Variants in TENM4 observed in about 807,000 individuals in gnomAD.
TENM4 encodes the protein teneurin transmembrane protein 4, also known as teneurin-4.
TENM4 carries 82 observed loss-of-function variants against 243.3 expected under a neutral mutation model. The ratio of observed to expected loss-of-function variants is 0.34; its 90% CI spans 0.28 to 0.40. TENM4 has a LOEUF of 0.40. Among genes scored for constraint, TENM4 ranks in the 10% least tolerant of loss-of-function variants. The pLI, the probability that TENM4 is intolerant of heterozygous loss-of-function variation, is 1.00. For synonymous variants in TENM4, 1,412 were observed against 1,456.3 expected (o/e 0.97, Z 0.69); for missense variants, 3,138 against 3,673.3 (o/e 0.85, Z 3.77).
chr11:78,792,310 G>A (rs575380083), intron 15 of TENM4, among the ~76,000 whole-genome samples: 1 of 152,242 alleles, frequency 6.6e-6, no homozygotes, highest in South Asian at 2.1e-4. Context: ...ACCTAGCATG[G>A]CATCATCAGC....
rs953225345 is a variant in TENM4 at position 79,349,398 on chromosome 11, T to C, written c.-320-51855A>G. ...ACTATGCTAAAGTGTGCAGCAGATT[T>C]ATAATAATAGCTGAACACCTTTCAT... On this transcript the variant is annotated intron_variant, in intron 1 of 33. Coordinates refer to ENST00000278550, the MANE Select transcript of TENM4 (RefSeq NM_001098816.3). 2.6e-5 allele frequency among the ~76,000 whole-genome samples: 4 copies of C among 152,342 alleles called. No individual in the cohort carries two copies. The South Asian group carries it at 8.3e-4, about 32-fold the overall frequency.
At chr11:79,169,976 T>C (rs1466067786) in intron 3 of TENM4, among the ~76,000 whole-genome samples, 1 of 152,216 alleles carries the variant, frequency 6.6e-6, no homozygotes, top group Non-Finnish European at 1.5e-5. Flanking sequence ...ACAAATAGGA[T>C]GGGGCTTTTC....
chr11:78,707,214 T>C (rs960481284), intron 27 of TENM4, among the ~76,000 whole-genome samples: 1 of 152,240 alleles, frequency 6.6e-6, no homozygotes, highest in East Asian at 1.9e-4. Context: ...AATTTGCAAT[T>C]TGATGTAACT....
intron 2 of TENM4, among the ~76,000 whole-genome samples, chr11:79,250,018 C>T (rs933279473): frequency 6.6e-6 from 1 of 152,164 alleles, no homozygotes; most frequent in Non-Finnish European, 1.5e-5. Context: ...TGGAGTCTTG[C>T]TCTGTTGCCC....
At chr11:79,048,989 T>C (rs1859730560) in intron 6 of TENM4, among the ~76,000 whole-genome samples, 1 of 152,208 alleles carries the variant, frequency 6.6e-6, no homozygotes, top group Non-Finnish European at 1.5e-5. Context: ...GCGGATTCTC[T>C]GGCTGATGGT....
chr11:79,301,915 T>C (rs1856556276), intron 1 of TENM4, among the ~76,000 whole-genome samples: 1 of 152,228 alleles, frequency 6.6e-6, no homozygotes, highest in Non-Finnish European at 1.5e-5. Context: ...TCATGCTTCC[T>C]GTACTGCCTG....
intron 2 of TENM4, among the ~76,000 whole-genome samples, chr11:79,245,575 G>A (rs1855496289): frequency 1.3e-5 from 2 of 151,988 alleles, no homozygotes; most frequent in Admixed American, 6.6e-5. Flanking sequence ...ATTTTGAAAA[G>A]GTTAAATGAG....
intron 9 of TENM4, among the ~76,000 whole-genome samples, chr11:78,875,112 G>A (rs1243775335): frequency 6.6e-6 from 1 of 152,212 alleles, no homozygotes; most frequent in Non-Finnish European, 1.5e-5. Context: ...AAGCACTTTG[G>A]GTGCAAACCG....
chr11:79,293,412 C>T (rs1379437411), intron 2 of TENM4, among the ~76,000 whole-genome samples: 1 of 150,532 alleles, frequency 6.6e-6, no homozygotes, highest in African/African-American at 2.4e-5. Flanking sequence ...GAGGCTGAGG[C>T]AGGAAGATCA....
chr11:78,801,243 C>G (rs910235298), intron 15 of TENM4, among the ~76,000 whole-genome samples: 2 of 152,148 alleles, frequency 1.3e-5, no homozygotes, highest in Admixed American at 6.5e-5. Flanking sequence ...TCTTTTCTAT[C>G]TGTTTAACAG....
chr11:79,193,837 G>A (rs1863566636), intron 3 of TENM4, among the ~76,000 whole-genome samples: 1 of 152,178 alleles, frequency 6.6e-6, no homozygotes, highest in Admixed American at 6.5e-5. Context: ...CAACTGTGTT[G>A]GGTTTCAGGA....
chr11:79,067,926 G>A (rs1177490866), intron 5 of TENM4: 6 of 152,296 alleles, frequency 3.9e-5, no homozygotes, highest in African/African-American at 1.4e-4. Flanking sequence ...TACCTTCAAA[G>A]GATTTTTGAG....
In TENM4 at chr11:78,854,107, T is replaced by C. The variant is rs768906608; in HGVS notation, c.1678A>G (p.Ile560Val). ...SEVVSFLTTA[I>V]ESVDNCPSNC... ...CCAGAGGGTGTGGCTCCCTTACCAA[T>C]GGCAGTGGTGAGAAAGGAAACCACT... The change falls in exon 12 of 34, where the codon ATT becomes GTT. Residue 560 changes from isoleucine to valine, a missense_variant. By Grantham distance (29) the Ile-to-Val change is conservative (BLOSUM62 3). Transcript: ENST00000278550. The C allele has an allele frequency of 2.2e-5, 34 of 1,551,128 alleles. No homozygotes were observed. The highest frequency in any genetic ancestry group is 1.2e-4 in the East Asian group (5 of 40,914).
rs1296983524 is a variant in TENM4 at position 78,669,732 on chromosome 11, C to T, written c.6613G>A (p.Val2205Ile). Residue 2205 changes from valine (V) to isoleucine (I), a missense_variant, in exon 32 of 34, where the codon GTC becomes ATC. Transcript: ENST00000278550. This position sits in a 1 kb window ranked among gnomAD's most constrained non-coding sequence, Gnocchi z 6.4. ...CAGAGTGGCTTGTCATTGATGGAGA[C>T]TGTCTGCAGCTGGCCGTCAGCATCA... ...EYDADGQLQT[V>I]SINDKPLWRY... 6.2e-7 allele frequency: 1 copy of T among 1,613,874 alleles called. No homozygotes were observed. Among genetic ancestry groups the T allele is most frequent in the Non-Finnish European group, 8.5e-7 (1 of 1,179,906 alleles).
chr11:78,879,227 C>T lies in TENM4; in HGVS notation c.1084+10558G>A, dbSNP rs189102178. Among the ~76,000 whole-genome samples, 874 of 147,278 alleles carry T rather than the reference C, an allele frequency of 5.9e-3. 9 individuals carry two copies. The highest frequency in any genetic ancestry group is 0.021 in the African/African-American group (814 of 39,536). The stretch of plus-strand genomic sequence containing the variant: ...CTAGGAAGTGAGAAGCGCCTCTGCC[C>T]GGTCGCCCCGTCTGGGAGGTGAGGA... On this transcript the variant is annotated intron_variant, in intron 9 of 33. Coordinates refer to ENST00000278550, the MANE Select transcript of TENM4 (RefSeq NM_001098816.3).
chr11:78,661,687 G>A, intron 32 of TENM4, 96 bp from the exon 33 acceptor site: 6 of 1,495,126 alleles, frequency 4.0e-6, no homozygotes, highest in Non-Finnish European at 5.4e-6. Context: ...TGCAGGGTGT[G>A]GTGAGGGTGT....
chr11:79,081,651 G>A (rs1646340395), intron 4 of TENM4, among the ~76,000 whole-genome samples: 1 of 151,932 alleles, frequency 6.6e-6, no homozygotes, highest in Non-Finnish European at 1.5e-5. Context: ...CAGGCCTTTT[G>A]CTATTGAGCC....
At chr11:78,908,154 G>C (rs1004639163) in intron 6 of TENM4, among the ~76,000 whole-genome samples, 2 of 152,206 alleles carry the variant, frequency 1.3e-5, no homozygotes, top group African/African-American at 4.8e-5. Flanking sequence ...ATGCTGGGCA[G>C]AGCCGTATGT....
chr11:79,266,765 G>T (rs1194073664), intron 2 of TENM4, among the ~76,000 whole-genome samples: 3 of 152,180 alleles, frequency 2.0e-5, no homozygotes, highest in Non-Finnish European at 2.9e-5. Flanking sequence ...TGACCAAGGA[G>T]ACTGATAAGA....
Sources: allele counts gnomAD v4.1 joint callset (sites outside exome capture counted in the v4.1 genomes callset), GRCh38; gene constraint gnomAD v4.1.1; non-coding constraint Gnocchi (gnomAD v3.1); transcripts MANE v1.5; gene names NCBI Gene and HGNC (gene_info 2026-07-23, HGNC 2026-07-21).